VSTM2B: variants seen among roughly 807,000 people sequenced by gnomAD.
VSTM2B encodes the protein V-set and transmembrane domain containing 2B.
A neutral mutation model predicts 24.0 loss-of-function variants in VSTM2B; 24 were observed. The observed-to-expected ratio is 1.00, with a 90% CI of 0.72 to 1.40. The LOEUF (loss-of-function observed/expected upper bound fraction) is 1.40, where lower values mean the gene tolerates loss of function less well. VSTM2B is among the 40% of genes most tolerant of loss of function. The pLI, the probability that VSTM2B is intolerant of heterozygous loss-of-function variation, is 0.00. For missense variants in VSTM2B, 399 were observed against 416.4 expected (o/e 0.96, Z 0.36); for synonymous variants, 226 against 194.4 (o/e 1.16, Z -1.35).
In VSTM2B at chr19:29,527,312, G is replaced by T; in HGVS notation, c.184G>T (p.Glu62Ter). The T allele has an allele frequency of 6.5e-7, 1 of 1,550,272 alleles. No individual in the cohort carries two copies. Among genetic ancestry groups the T allele is most frequent in the South Asian group, 1.2e-5 (1 of 83,982 alleles). The change falls in exon 2 of 5, where the codon GAG becomes TAG. Residue 62 changes from glutamate (E) to a stop codon, truncating the protein, a stop_gained. Transcript: ENST00000335523. LOFTEE classifies it high-confidence loss of function. The stretch of plus-strand genomic sequence containing the variant: ...CAGCGGAGCCACCTCGTATTCGCTG[G>T]AGATTCAGTGGTGGTACCTCAAGGA... ...RASGATSYSL[E>*]IQWWYLKEPP...
rs148908263 is a variant in VSTM2B, at chr19:29,554,955, C to T, written c.770-8891C>T. ...CTACAAAGAGACTTAGACTCCCACA[C>T]AATAATAGTGGGAGACTTTAACACC... On this transcript the variant is annotated intron_variant, in intron 4 of 4. Transcript: ENST00000335523. Among the ~76,000 whole-genome samples, 535 of 152,260 alleles carry T rather than the reference C, an allele frequency of 3.5e-3. 6 individuals carry two copies. Among genetic ancestry groups the T allele is most frequent in the African/African-American group, 0.012 (500 of 41,556 alleles).
chr19:29,540,136 A>C (rs1173733566), intron 4 of VSTM2B, among the ~76,000 whole-genome samples: 2 of 152,188 alleles, frequency 1.3e-5, no homozygotes, highest in African/African-American at 2.4e-5. Context: ...TAATAAACCC[A>C]TGGAAGGGGG....
At chr19:29,551,844 C>A (rs1970291178) in intron 4 of VSTM2B, among the ~76,000 whole-genome samples, 1 of 152,176 alleles carries the variant, frequency 6.6e-6, no homozygotes, top group South Asian at 2.1e-4. Context: ...TGCATGCCAG[C>A]CAGCCCGCTC....
rs1448541830 is a variant in VSTM2B at position 29,530,304 on chromosome 19, G to A, written c.769+14G>A. On this transcript the variant is annotated intron_variant, in intron 4 of 4. Coordinates refer to ENST00000335523, the MANE Select transcript of VSTM2B (RefSeq NM_001146339.2). ...GGCACGGCTCGGGTAAGGGATCGCG[G>A]AGAGGGGGCGCACGCGCGGGGATGG... 1 of 1,485,190 alleles carries A rather than the reference G, an allele frequency of 6.7e-7. No individual in the cohort carries two copies. The highest frequency in any genetic ancestry group is 1.5e-5 in the African/African-American group (1 of 68,168). The allele number at this position is 1,485,190 out of a possible 1,614,324, so 92.0% of individuals were successfully genotyped here.
intron 4 of VSTM2B, among the ~76,000 whole-genome samples, chr19:29,533,928 C>T (rs1432104560): frequency 6.6e-6 from 1 of 152,208 alleles, no homozygotes; most frequent in Admixed American, 6.5e-5. Flanking sequence ...CCTTGCCTCC[C>T]AGCCACTCAA....
At chr19:29,529,739 A>AG in intron 3 of VSTM2B, 80 bp from the exon 4 acceptor site, 2 of 1,374,228 alleles carry the variant, frequency 1.5e-6, no homozygotes, top group Non-Finnish European at 2.0e-6. Context: ...TGCGCGGATG[A>AG]GGGGGCGCGA....
At position 29,526,845 on chromosome 19, in the gene VSTM2B, C is replaced by T. The variant is rs1375080543; in HGVS notation, c.82+180C>T. ...CGGCGAAGGGTCGCCGCAGCAGCAG[C>T]GCCGCGCCCGAGTCGTTCCCAGTCC... On this transcript the variant is annotated intron_variant, in intron 1 of 4. Coordinates refer to ENST00000335523, the MANE Select transcript of VSTM2B (RefSeq NM_001146339.2). This position sits in a 1 kb window ranked among gnomAD's most constrained non-coding sequence, Gnocchi z 4.1. The T allele has an allele frequency of 7.2e-6, 4 of 554,640 alleles. No individual in the cohort carries two copies. Among genetic ancestry groups the T allele is most frequent in the Non-Finnish European group, 1.2e-5 (4 of 334,754 alleles). 34.4% of individuals were successfully genotyped at this position (554,640 alleles called of 1,614,324 possible).
intron 4 of VSTM2B, among the ~76,000 whole-genome samples, chr19:29,553,167 C>G (rs1330847516): frequency 6.7e-6 from 1 of 150,084 alleles, no homozygotes; most frequent in Non-Finnish European, 1.5e-5. Context: ...CCCCCCACAA[C>G]AGGGGTCACC....
intron 4 of VSTM2B, among the ~76,000 whole-genome samples, chr19:29,539,029 TG>T (rs977753056): frequency 6.6e-6 from 1 of 152,136 alleles, no homozygotes; most frequent in Non-Finnish European, 1.5e-5. Flanking sequence ...TTGCTGTTTT[TG>T]TAAGTTCTCT....
At chr19:29,533,445 C>T (rs1969809074) in intron 4 of VSTM2B, among the ~76,000 whole-genome samples, 1 of 152,190 alleles carries the variant, frequency 6.6e-6, no homozygotes, top group Non-Finnish European at 1.5e-5. Context: ...CAGAAAGAAC[C>T]TCCAGTCTCT....
intron 4 of VSTM2B, among the ~76,000 whole-genome samples, chr19:29,546,527 G>A (rs892813697): frequency 1.3e-5 from 2 of 152,224 alleles, no homozygotes; most frequent in Non-Finnish European, 2.9e-5. Context: ...TGCAGGGGCC[G>A]AGTGCAGCTG....
chr19:29,528,544 C>T, intron 3 of VSTM2B, 82 bp downstream of exon 3: 2 of 1,518,202 alleles, frequency 1.3e-6, no homozygotes, highest in South Asian at 1.2e-5. Flanking sequence ...TAGCAAGCCG[C>T]GGCGGCCGCG....
intron 3 of VSTM2B, among the ~76,000 whole-genome samples, chr19:29,528,792 G>A (rs1360222540): frequency 3.3e-5 from 5 of 152,256 alleles, no homozygotes; most frequent in African/African-American, 1.2e-4. Context: ...ATTCCTCCTA[G>A]CACCGGGAGC....
At position 29,529,809 on chromosome 19, in the gene VSTM2B, T is replaced by C. The variant is rs1179598791; in HGVS notation, c.298-10T>C. The C allele has an allele frequency of 1.3e-6, 2 of 1,547,582 alleles. No homozygotes were observed. Among genetic ancestry groups the C allele is most frequent in the Non-Finnish European group, 1.7e-6 (2 of 1,145,696 alleles). On this transcript the variant is annotated splice_polypyrimidine_tract_variant and intron_variant, in intron 3 of 4. Transcript: ENST00000335523. ...TGCCCAGCCCGGCCTCTAACCCTGC[T>C]CTCTTGCAGACCGTACGCGTCCAGG...
intron 4 of VSTM2B, among the ~76,000 whole-genome samples, chr19:29,546,573 C>T (rs1041661785): frequency 4.6e-5 from 7 of 152,248 alleles, no homozygotes; most frequent in Admixed American, 4.6e-4. Context: ...TTACAGCCCA[C>T]AGGCTCAAAG....
chr19:29,546,922 C>T (rs917044505), intron 4 of VSTM2B, among the ~76,000 whole-genome samples: 1 of 152,190 alleles, frequency 6.6e-6, no homozygotes, highest in Non-Finnish European at 1.5e-5. Flanking sequence ...ATTCTCCTTC[C>T]CTTGCAAGTA....
chr19:29,553,386 GCAAA>G (rs1970330284), intron 4 of VSTM2B, among the ~76,000 whole-genome samples: 1 of 152,038 alleles, frequency 6.6e-6, no homozygotes, highest in Admixed American at 6.5e-5. Context: ...TAAAACAAAA[GCAAA>G]CAAACAGAAA....
intron 4 of VSTM2B, among the ~76,000 whole-genome samples, chr19:29,558,453 A>T (rs754744888): frequency 1.4e-4 from 21 of 152,200 alleles, no homozygotes; most frequent in Non-Finnish European, 2.8e-4. Flanking sequence ...AAGACATGGA[A>T]TCAACCCAAA....
chr19:29,539,894 C>G (rs1312477699), intron 4 of VSTM2B, among the ~76,000 whole-genome samples: 3 of 152,224 alleles, frequency 2.0e-5, no homozygotes, highest in Non-Finnish European at 4.4e-5. Flanking sequence ...CCAGCACAGA[C>G]AGCCCACTGC....
Sources: allele counts gnomAD v4.1 joint callset (sites outside exome capture counted in the v4.1 genomes callset), GRCh38; gene constraint gnomAD v4.1.1; non-coding constraint Gnocchi (gnomAD v3.1); transcripts MANE v1.5; gene names NCBI Gene and HGNC (gene_info 2026-07-23, HGNC 2026-07-21).